LRP1: variants seen among roughly 807,000 people sequenced by gnomAD.
The protein encoded by LRP1 is prolow-density lipoprotein receptor-related protein 1.
A neutral mutation model predicts 541.5 loss-of-function variants in LRP1; 51 were observed. The observed-to-expected ratio is 0.09, with a 90% CI of 0.08 to 0.12. The LOEUF (loss-of-function observed/expected upper bound fraction) is 0.12, where lower values mean the gene tolerates loss of function less well. LRP1 is among the 10% of genes least tolerant of loss of function. The probability of loss-of-function intolerance (pLI) is 1.00; values close to 1 mark genes in which losing one functional copy is unlikely to be tolerated. For synonymous variants in LRP1, 2,219 were observed against 2,470.8 expected (o/e 0.90, Z 3.02); for missense variants, 3,878 against 6,376.2 (o/e 0.61, Z 13.34).
chr12:57,190,653 C>A, intron 42 of LRP1, 152 bp from the exon 43 acceptor site: 1 of 653,098 alleles, frequency 1.5e-6, no homozygotes, highest in Non-Finnish European at 2.7e-6. Context: ...TGGGGCCCTT[C>A]CTGGGCATTG....
At chr12:57,164,013 A>G (rs2035790935) in intron 15 of LRP1, among the ~76,000 whole-genome samples, 1 of 152,134 alleles carries the variant, frequency 6.6e-6, no homozygotes, top group Admixed American at 6.5e-5. Context: ...TCTACTAAAA[A>G]CACAAAAATT....
In LRP1 at chr12:57,176,199, G is replaced by A. The variant is rs2036043253; in HGVS notation, c.3991+93G>A. The A allele has an allele frequency of 2.3e-6, 3 of 1,285,860 alleles. No homozygotes were observed. In the African/African-American group the frequency reaches 4.4e-5, roughly 19 times the overall value. 79.7% of individuals were successfully genotyped at this position (1,285,860 alleles called of 1,614,324 possible). A position where few individuals can be genotyped will look rare whatever the true frequency, so the allele number is the denominator to read the frequency against. Reference sequence around the variant, plus strand: ...CCCATCCAAGTGGCCCCAAAGCAGAGGCTTGGCTCCCCCATCCCCCACACT... The same window carrying A: ...CCCATCCAAGTGGCCCCAAAGCAGAAGCTTGGCTCCCCCATCCCCCACACT... On this transcript the variant is annotated intron_variant, in intron 24 of 88. Transcript: ENST00000243077.
In LRP1 at chr12:57,177,269, C is replaced by T. The variant is rs761168070; in HGVS notation, c.4196+24C>T. 3.7e-6 allele frequency: 6 copies of T among 1,610,174 alleles called. No homozygotes were observed. In the Admixed American group the frequency reaches 5.0e-5, roughly 13 times the overall value. Reference sequence around the variant, plus strand: ...GGGTGAGGACCTTGCCCAGCCTTCTCCTGGCCCCATGGCCCCCCTGAAGTC... The same window carrying T: ...GGGTGAGGACCTTGCCCAGCCTTCTTCTGGCCCCATGGCCCCCCTGAAGTC... On this transcript the variant is annotated intron_variant, in intron 25 of 88. Coordinates refer to ENST00000243077, the MANE Select transcript of LRP1 (RefSeq NM_002332.3). The surrounding 1 kb of genome is among the most constrained non-coding windows in gnomAD (Gnocchi z 6.8).
At chr12:57,135,248 G>A (rs567606823) in intron 1 of LRP1, among the ~76,000 whole-genome samples, 43 of 152,328 alleles carry the variant, frequency 2.8e-4, no homozygotes, top group African/African-American at 1.0e-3. Context: ...TCTCTCATGC[G>A]GGCCAGGAGG....
At chr12:57,176,884 G>A (rs2036058215) in intron 24 of LRP1, among the ~76,000 whole-genome samples, 157 bp from the exon 25 acceptor site, 1 of 152,096 alleles carries the variant, frequency 6.6e-6, no homozygotes, top group East Asian at 1.9e-4. Context: ...AAAAAGTTGG[G>A]GAGACAATAG....
chr12:57,140,648 C>T (rs544353827), intron 2 of LRP1, among the ~76,000 whole-genome samples: 385 of 152,306 alleles, frequency 2.5e-3, no homozygotes, highest in Non-Finnish European at 4.4e-3. Context: ...GGTTCTGCAA[C>T]CTGGGAGCTA....
rs2034968004 is a variant in LRP1, at chr12:57,128,709, G to A, written c.-256G>A. The A allele has an allele frequency of 4.7e-6, 2 of 421,284 alleles. No homozygotes were observed. The highest frequency in any genetic ancestry group is 8.4e-6 in the Non-Finnish European group (2 of 236,692). 26.1% of individuals were successfully genotyped at this position (421,284 alleles called of 1,614,324 possible). The stretch of plus-strand genomic sequence containing the variant: ...CCGGGGAGGGGGAAAGAGCAGCGAG[G>A]AGTGAAGCGGGGGGGTGGGGTGAAG... On this transcript the variant is annotated 5_prime_UTR_variant, in exon 1 of 89. Coordinates refer to ENST00000243077, the MANE Select transcript of LRP1 (RefSeq NM_002332.3).
chr12:57,180,420 T>C lies in LRP1; in HGVS notation c.5327T>C (p.Leu1776Pro). 6.2e-7 allele frequency: 1 copy of C among 1,614,154 alleles called. No homozygotes were observed. ...INRCNLDGSGLEVIDAMRSQL... is the reference protein window; with the variant it reads ...INRCNLDGSGPEVIDAMRSQL... ...CGCTGCAACCTGGATGGGAGTGGGCTGGAGGTCATCGATGCCATGCGGAGC... is the reference window on the plus strand; with the variant it reads ...CGCTGCAACCTGGATGGGAGTGGGCCGGAGGTCATCGATGCCATGCGGAGC... The change falls in exon 32 of 89, where the codon CTG becomes CCG. Residue 1776 changes from leucine (L) to proline (P), a missense_variant. Transcript: ENST00000243077.
Position 57,163,742 on chromosome 12 carries a change from C to G in LRP1, c.2530+759C>G, listed in dbSNP as rs372552904. Among the ~76,000 whole-genome samples the G allele has an allele frequency of 9.5e-4, 144 of 152,282 alleles. 3 individuals carry two copies. In the South Asian group the frequency reaches 0.023, roughly 25 times the overall value. Reference sequence around the variant, plus strand: ...TCAGGGGGGTTATAATTGTTTTTTACATAGCTGTAATCATCTGTTTATAAA... The same window carrying G: ...TCAGGGGGGTTATAATTGTTTTTTAGATAGCTGTAATCATCTGTTTATAAA... On this transcript the variant is annotated intron_variant, in intron 15 of 88. Transcript: ENST00000243077.
At chr12:57,174,807 C>T (rs2036011571) in intron 22 of LRP1, among the ~76,000 whole-genome samples, 1 of 152,030 alleles carries the variant, frequency 6.6e-6, no homozygotes, top group African/African-American at 2.4e-5. Flanking sequence ...CCATTCAAGA[C>T]CAAAAGAGAT....
rs1384339705 is a variant in LRP1, at chr12:57,192,914, A to G, written c.7499A>G (p.His2500Arg). ...CTGTGTCTGCTCACTCACCAGGGCC[A>G]TGTCAACTGCTCATGCCGAGGGGGC... Reference protein sequence around the residue: ...QDLCLLTHQGHVNCSCRGGRI... With the variant: ...QDLCLLTHQGRVNCSCRGGRI... The change falls in exon 45 of 89, where the codon CAT (histidine) becomes CGT (arginine). Residue 2500 changes from histidine to arginine, a missense_variant. Around this residue, in one of 13 missense-constraint regions of LRP1, gnomAD observed 1,100 missense variants for 1,827.4 expected, o/e 0.60. Coordinates refer to ENST00000243077, the MANE Select transcript of LRP1 (RefSeq NM_002332.3). 2 of 1,613,902 alleles carry G rather than the reference A, an allele frequency of 1.2e-6. No individual in the cohort carries two copies. The highest frequency in any genetic ancestry group is 1.7e-5 in the Admixed American group (1 of 60,026).
Position 57,187,205 on chromosome 12 carries a change from G to A in LRP1, c.6842-62G>A, listed in dbSNP as rs558790897. The A allele has an allele frequency of 4.3e-4, 660 of 1,535,156 alleles. 1 individual carries two copies. In the African/African-American group the frequency reaches 4.3e-3, roughly 10 times the overall value. On this transcript the variant is annotated intron_variant, in intron 41 of 88. Coordinates refer to ENST00000243077, the MANE Select transcript of LRP1 (RefSeq NM_002332.3). ...GCACCTGCCCCAGGCTGTCCCCCAC[G>A]GCTCCTGTGCAGGCTGCCCTCTGGG... is the stretch of plus-strand genomic sequence containing the variant.
intron 69 of LRP1, 48 bp downstream of exon 69, chr12:57,203,335 G>A (rs372309187): frequency 1.6e-5 from 26 of 1,590,040 alleles, no homozygotes; most frequent in Non-Finnish European, 2.1e-5. Context: ...AGGAGTTCAG[G>A]CAGGGCTTGG....
chr12:57,196,340 T>A lies in LRP1; in HGVS notation c.8892+63T>A, dbSNP rs191415173. The A allele has an allele frequency of 5.8e-6, 8 of 1,385,110 alleles. No homozygotes were observed. The East Asian group carries it at 2.0e-4, about 35-fold the overall frequency. 85.8% of individuals were successfully genotyped at this position (1,385,110 alleles called of 1,614,324 possible). On this transcript the variant is annotated intron_variant, in intron 55 of 88. Transcript: ENST00000243077. ...ACGTGCCAGGAACGCCTTTCTCCAC[T>A]GCCTTATTCATTCATTCATCCCCTA...
Position 57,185,389 on chromosome 12 carries a change from A to G in LRP1, c.6464-142A>G. The G allele has an allele frequency of 7.5e-7, 1 of 1,327,950 alleles. No individual in the cohort carries two copies. Among genetic ancestry groups the G allele is most frequent in the Non-Finnish European group, 1.0e-6 (1 of 986,164 alleles). The allele number at this position is 1,327,950 out of a possible 1,614,324, so 82.3% of individuals were successfully genotyped here. A position where few individuals can be genotyped will look rare whatever the true frequency, so the allele number is the denominator to read the frequency against. On this transcript the variant is annotated intron_variant, in intron 40 of 88. Coordinates refer to ENST00000243077, the MANE Select transcript of LRP1 (RefSeq NM_002332.3). The surrounding 1 kb of genome is among the most constrained non-coding windows in gnomAD (Gnocchi z 4.9). ...GAGGTGCTCTGGGACAGATCTTGGCATTGGACTCTGGGCCCTGGAGGGTCA... is the reference window on the plus strand; with the variant it reads ...GAGGTGCTCTGGGACAGATCTTGGCGTTGGACTCTGGGCCCTGGAGGGTCA...
At position 57,178,034 on chromosome 12, in the gene LRP1, C is replaced by T. The variant is rs542306873; in HGVS notation, c.4362-325C>T. ...CGCGATCTCGGCTCACTGCAGGCTC[C>T]GCCCCCCGGGGTTCACGCTGAGGGT... On this transcript the variant is annotated intron_variant, in intron 26 of 88. Coordinates refer to ENST00000243077, the MANE Select transcript of LRP1 (RefSeq NM_002332.3). The surrounding 1 kb of genome is among the most constrained non-coding windows in gnomAD (Gnocchi z 5.8). Among the ~76,000 whole-genome samples, 1 of 151,652 alleles carries T rather than the reference C, an allele frequency of 6.6e-6. No homozygotes were observed. The highest frequency in any genetic ancestry group is 2.1e-4 in the South Asian group (1 of 4,806).
intron 44 of LRP1, among the ~76,000 whole-genome samples, chr12:57,191,818 TATACCACACCACACAC>T (rs1439879781): frequency 1.9e-5 from 1 of 51,480 alleles, no homozygotes; most frequent in African/African-American, 7.8e-5. Context: ...ACACCCCACA[TATACCACACCACACAC>T]ATACCACACA....
chr12:57,192,638 A>G (rs1189549926), intron 44 of LRP1, among the ~76,000 whole-genome samples: 4 of 151,898 alleles, frequency 2.6e-5, no homozygotes, highest in African/African-American at 9.7e-5. Context: ...CACATCCTCA[A>G]CGGCACACCT....
chr12:57,145,212 C>T lies in LRP1; in HGVS notation c.578-15C>T, dbSNP rs755343155. 137 of 1,613,962 alleles carry T rather than the reference C, an allele frequency of 8.5e-5. No homozygotes were observed. The highest frequency in any genetic ancestry group is 1.7e-5 in the Non-Finnish European group (20 of 1,180,002). On this transcript the variant is annotated splice_polypyrimidine_tract_variant and intron_variant, in intron 5 of 88. Transcript: ENST00000243077. ...GAGCCCTGGCTGCACGGACTCTTCTCTTCCCCATTCCCAGAGCCAGTAGAC... is the reference window on the plus strand; with the variant it reads ...GAGCCCTGGCTGCACGGACTCTTCTTTTCCCCATTCCCAGAGCCAGTAGAC...
Sources: allele counts gnomAD v4.1 joint callset (sites outside exome capture counted in the v4.1 genomes callset), GRCh38; gene constraint gnomAD v4.1.1; regional missense constraint gnomAD v4.1.1; non-coding constraint Gnocchi (gnomAD v3.1); transcripts MANE v1.5; gene names NCBI Gene and HGNC (gene_info 2026-07-23, HGNC 2026-07-21).